AHSP: variants seen among roughly 807,000 people sequenced by gnomAD.
AHSP encodes alpha-hemoglobin-stabilizing protein.
Under a neutral mutation model 2.7 loss-of-function variants are expected in AHSP, and 5 were observed. The ratio of observed to expected loss-of-function variants is 1.86; its 90% CI spans 0.97 to 3.92. The LOEUF is 3.92. Among genes scored for constraint, AHSP ranks in the 30% most tolerant of loss-of-function variants. AHSP has a pLI of 0.00. For synonymous variants in AHSP, 50 were observed against 48.4 expected, an observed-to-expected ratio of 1.03 and a Z score of -0.14; for missense variants, 134 against 119.8, an observed-to-expected ratio of 1.12 and a Z score of -0.55.
intron 2 of AHSP, 23 bp downstream of exon 2, chr16:31,528,237 A>G (rs1207011363): frequency 6.2e-7 from 1 of 1,607,700 alleles, no homozygotes. Flanking sequence ...TTTCCATTTC[A>G]AAGGACTGGC....
In AHSP at chr16:31,528,576, AG is replaced by A. The variant is rs1167245712; in HGVS notation, c.196del (p.Ala66LeufsTer9). On this transcript the variant is annotated frameshift_variant, in exon 3 of 3. Coordinates refer to ENST00000302312, the MANE Select transcript of AHSP (RefSeq NM_016633.4). LOFTEE classifies it low-confidence loss of function (END_TRUNC). ...ACAGGGGAGCCCCAAGAGCGAGACAAGGCTCTGCAGGAGCTTCGGCAAGAGC... is the reference window on the plus strand; with the variant it reads ...ACAGGGGAGCCCCAAGAGCGAGACAAGCTCTGCAGGAGCTTCGGCAAGAGC... The part of the protein sequence containing the change: ...QVTGEPQERD[K>X]ALQELRQELN... 1.2e-6 allele frequency: 2 copies of A among 1,614,000 alleles called. No homozygotes were observed. Among genetic ancestry groups the A allele is most frequent in the African/African-American group, 2.7e-5 (2 of 74,902 alleles).
intron 2 of AHSP, 76 bp downstream of exon 2, chr16:31,528,290 T>C: frequency 2.1e-6 from 3 of 1,433,800 alleles, no homozygotes; most frequent in East Asian, 2.3e-5. Context: ...AAGAGGATAA[T>C]TGGAGCTGGT....
In AHSP at chr16:31,528,529, C is replaced by T; in HGVS notation, c.147C>T (p.Ile49=). 1 of 1,614,180 alleles carries T rather than the reference C, an allele frequency of 6.2e-7. No homozygotes were observed. Among genetic ancestry groups the T allele is most frequent in the African/African-American group, 1.3e-5 (1 of 75,036 alleles). ...TGGAGGACTGGATGAACTTCTACAT[C>T]AACTATTACAGGCAGCAGGTGACAG... is the stretch of plus-strand genomic sequence containing the variant. ...TVVEDWMNFY[I]NYYRQQVTGE... The change falls in exon 3 of 3, where the codon ATC becomes ATT. Residue 49 remains isoleucine (I), a synonymous_variant. Coordinates refer to ENST00000302312, the MANE Select transcript of AHSP (RefSeq NM_016633.4).
chr16:31,528,205 G>C lies in AHSP; in HGVS notation c.66G>C (p.Leu22=). ...SAGLKEFSVL[L]NQQVFNDPLV... is the part of the protein sequence containing the mutation. ...GATTGAAGGAGTTCAGCGTTCTGCT[G>C]AATCAGCAGGTGAGTCCAAGCTTTC... The change falls in exon 2 of 3, where the codon CTG becomes CTC. Residue 22 remains leucine, a synonymous_variant. Transcript: ENST00000302312. The C allele has an allele frequency of 6.2e-7, 1 of 1,614,034 alleles. No individual in the cohort carries two copies.
In AHSP at chr16:31,527,922, A is replaced by G; in HGVS notation, c.-45A>G. On this transcript the variant is annotated 5_prime_UTR_variant, in exon 1 of 3. Coordinates refer to ENST00000302312, the MANE Select transcript of AHSP (RefSeq NM_016633.4). Reference sequence around the variant, plus strand: ...GGCACAGAGAGATTCACGCACCCTCAAGAGTGTGGGTGAGACATATACAGC... The same window carrying G: ...GGCACAGAGAGATTCACGCACCCTCGAGAGTGTGGGTGAGACATATACAGC... 2 of 586,372 alleles carry G rather than the reference A, an allele frequency of 3.4e-6. No homozygotes were observed. Among genetic ancestry groups the G allele is most frequent in the South Asian group, 3.8e-5 (2 of 53,314 alleles). 36.3% of individuals were successfully genotyped at this position (586,372 alleles called of 1,614,324 possible). A position where few individuals can be genotyped will look rare whatever the true frequency, so the allele number is the denominator to read the frequency against.
At chr16:31,528,268 G>A (rs1232047180) in intron 2 of AHSP, 54 bp downstream of exon 2, 30 of 1,528,022 alleles carry the variant, frequency 2.0e-5, no homozygotes, top group Non-Finnish European at 2.4e-5. Flanking sequence ...GGGGGTGCCG[G>A]GGAAGTGGAG....
rs2142689390 is a variant in AHSP, at chr16:31,528,661, G to A, written c.279G>A (p.Glu93=). Residue 93 remains glutamate (E), a synonymous_variant, in exon 3 of 3, where the codon GAG becomes GAA. Coordinates refer to ENST00000302312, the MANE Select transcript of AHSP (RefSeq NM_016633.4). ...AKYRDFLKSH[E]LPSHPPPSS ...ACAGGGACTTCCTGAAGTCTCATGAGCTCCCGAGTCACCCACCGCCCTCCT... is the reference window on the plus strand; with the variant it reads ...ACAGGGACTTCCTGAAGTCTCATGAACTCCCGAGTCACCCACCGCCCTCCT... 2.5e-6 allele frequency: 4 copies of A among 1,613,532 alleles called. No homozygotes were observed. The highest frequency in any genetic ancestry group is 1.7e-6 in the Non-Finnish European group (2 of 1,180,002).
intron 1 of AHSP, 22 bp downstream of exon 1, chr16:31,527,984 C>T: frequency 1.4e-6 from 1 of 703,474 alleles, no homozygotes; most frequent in East Asian, 2.7e-5. Flanking sequence ...CTGGGAAAAT[C>T]GTGACCTCAG....
In AHSP at chr16:31,528,799, T is replaced by C. The variant is rs1296723204; in HGVS notation, c.*108T>C. On this transcript the variant is annotated 3_prime_UTR_variant, in exon 3 of 3. Coordinates refer to ENST00000302312, the MANE Select transcript of AHSP (RefSeq NM_016633.4). ...TCAATAAAGACCAGTGCTGGTTTTG[T>C]TGGACTTCCTGGCTTCTCTTTCATG... The C allele has an allele frequency of 9.5e-7, 1 of 1,049,152 alleles. No homozygotes were observed. Among genetic ancestry groups the C allele is most frequent in the African/African-American group, 1.6e-5 (1 of 63,100 alleles). 65.0% of individuals were successfully genotyped at this position (1,049,152 alleles called of 1,614,324 possible).
In AHSP at chr16:31,528,478, C is replaced by T; in HGVS notation, c.96C>T (p.Val32=). 1 of 1,614,188 alleles carries T rather than the reference C, an allele frequency of 6.2e-7. No individual in the cohort carries two copies. The highest frequency in any genetic ancestry group is 8.5e-7 in the Non-Finnish European group (1 of 1,180,028). ...CCCAGGTCTTCAATGATCCTCTCGT[C>T]TCTGAAGAAGACATGGTGACTGTGG... The part of the protein sequence containing the change: ...LNQQVFNDPL[V]SEEDMVTVVE... The change falls in exon 3 of 3, where the codon GTC becomes GTT. Residue 32 remains valine, a synonymous_variant. Coordinates refer to ENST00000302312, the MANE Select transcript of AHSP (RefSeq NM_016633.4).
At chr16:31,528,256 TG>T (rs776722214) in intron 2 of AHSP, 42 bp downstream of exon 2, 8 of 1,577,656 alleles carry the variant, frequency 5.1e-6, no homozygotes, top group African/African-American at 1.3e-5. Context: ...GCCTGGAGAC[TG>T]GGGGGTGCCG....
intron 1 of AHSP, 70 bp from the exon 2 acceptor site, chr16:31,528,066 A>G (rs2142688006): frequency 8.0e-7 from 1 of 1,250,012 alleles, no homozygotes; most frequent in Non-Finnish European, 1.2e-6. Flanking sequence ...TAAGGGGAGG[A>G]AGTGGGTTGG....
Position 31,528,173 on chromosome 16 carries a change from TC to T in AHSP, c.36del (p.Ala13GlnfsTer3). ...TCTTAAGGCCAATAAGGATCTCATT[TC>T]CGCAGGATTGAAGGAGTTCAGCGTT... ...ALLKANKDLI[S>X]AGLKEFSVLL... On this transcript the variant is annotated frameshift_variant, in exon 2 of 3. Transcript: ENST00000302312. LOFTEE classifies it low-confidence loss of function (END_TRUNC). The T allele has an allele frequency of 6.2e-7, 1 of 1,614,134 alleles. No homozygotes were observed. The highest frequency in any genetic ancestry group is 8.5e-7 in the Non-Finnish European group (1 of 1,180,026).
In AHSP at chr16:31,528,683, T is replaced by G; in HGVS notation, c.301T>G (p.Ser101Ala). Residue 101 changes from serine to alanine, a missense_variant, in exon 3 of 3, where the codon TCC (serine) becomes GCC (alanine). By Grantham distance (99) the Ser-to-Ala change is moderately conservative. Transcript: ENST00000302312. ...TGAGCTCCCGAGTCACCCACCGCCC[T>G]CCTCCTAGCTCAGGGACCCAGCCCC... ...SHELPSHPPP[S>A]S 6.2e-7 allele frequency: 1 copy of G among 1,611,998 alleles called. No homozygotes were observed. The highest frequency in any genetic ancestry group is 8.5e-7 in the Non-Finnish European group (1 of 1,179,770).
rs1430665506 is a variant in AHSP at position 31,528,690 on chromosome 16, A to G, written c.308A>G (p.Ter103TrpextTer9). Residue 103 changes from the stop codon to tryptophan (W), a stop_lost, in exon 3 of 3, where the codon TAG becomes TGG. Coordinates refer to ENST00000302312, the MANE Select transcript of AHSP (RefSeq NM_016633.4). ...ELPSHPPPSS[*>W] is the part of the protein sequence containing the mutation. ...CCGAGTCACCCACCGCCCTCCTCCT[A>G]GCTCAGGGACCCAGCCCCTCCTCTC... is the stretch of plus-strand genomic sequence containing the variant. 2 of 1,611,438 alleles carry G rather than the reference A, an allele frequency of 1.2e-6. No individual in the cohort carries two copies. The highest frequency in any genetic ancestry group is 1.3e-5 in the African/African-American group (1 of 74,906).
At position 31,528,151 on chromosome 16, in the gene AHSP, T is replaced by C; in HGVS notation, c.12T>C (p.Leu4=). 1 of 1,613,964 alleles carries C rather than the reference T, an allele frequency of 6.2e-7. No homozygotes were observed. Among genetic ancestry groups the C allele is most frequent in the Non-Finnish European group, 8.5e-7 (1 of 1,179,918 alleles). ...CTCTACCCAGGCAGATGGCTCTTCT[T>C]AAGGCCAATAAGGATCTCATTTCCG... The part of the protein sequence containing the change: MAL[L]KANKDLISAG... The change falls in exon 2 of 3, where the codon CTT becomes CTC. Residue 4 remains leucine (L), a synonymous_variant. Coordinates refer to ENST00000302312, the MANE Select transcript of AHSP (RefSeq NM_016633.4).
In AHSP at chr16:31,528,016, T is replaced by C; in HGVS notation, c.-5+54T>C. The stretch of plus-strand genomic sequence containing the variant: ...TCAGAGCAGGGCAGGATGTGAAAGG[T>C]TTTGGAAAGGAGATAGCCCTGCAGG... On this transcript the variant is annotated intron_variant, in intron 1 of 2. Transcript: ENST00000302312. 7.1e-6 allele frequency: 6 copies of C among 843,676 alleles called. No homozygotes were observed. The Admixed American group carries it at 1.1e-4, about 15-fold the overall frequency. 52.3% of individuals were successfully genotyped at this position (843,676 alleles called of 1,614,324 possible). A position where few individuals can be genotyped will look rare whatever the true frequency, so the allele number is the denominator to read the frequency against.
In AHSP at chr16:31,528,785, C is replaced by G; in HGVS notation, c.*94C>G. 5.9e-6 allele frequency: 7 copies of G among 1,185,800 alleles called. No homozygotes were observed. The highest frequency in any genetic ancestry group is 8.5e-6 in the Non-Finnish European group (7 of 825,852). 73.5% of individuals were successfully genotyped at this position (1,185,800 alleles called of 1,614,324 possible). ...TCTACCCTGACACCTCAATAAAGACCAGTGCTGGTTTTGTTGGACTTCCTG... is the reference window on the plus strand; with the variant it reads ...TCTACCCTGACACCTCAATAAAGACGAGTGCTGGTTTTGTTGGACTTCCTG... On this transcript the variant is annotated 3_prime_UTR_variant, in exon 3 of 3. Coordinates refer to ENST00000302312, the MANE Select transcript of AHSP (RefSeq NM_016633.4).
Position 31,527,971 on chromosome 16 carries a change from A to T in AHSP, c.-5+9A>T, listed in dbSNP as rs2082738614. On this transcript the variant is annotated intron_variant, in intron 1 of 2. Transcript: ENST00000302312. ...GCCTGTTAGACCTGAAGGTGAGCCC[A>T]ACCTGGGAAAATCGTGACCTCAGAG... The T allele has an allele frequency of 1.5e-6, 1 of 684,248 alleles. No homozygotes were observed. Among genetic ancestry groups the T allele is most frequent in the South Asian group, 1.5e-5 (1 of 64,544 alleles). The allele number at this position is 684,248 out of a possible 1,614,324, so 42.4% of individuals were successfully genotyped here.
Sources: gnomAD v4.1 joint callset for allele counts on GRCh38, gnomAD v4.1.1 for gene constraint, MANE v1.5 for transcripts, NCBI Gene and HGNC (gene_info 2026-07-23, HGNC 2026-07-21) for gene names.